Variants in DENND1B observed in about 807,000 individuals in gnomAD.
DENND1B encodes the protein DENN domain-containing protein 1B.
Under a neutral mutation model 90.1 loss-of-function variants are expected in DENND1B, and 59 were observed. That is an observed-to-expected ratio of 0.65 (90% CI 0.53 to 0.81). The LOEUF is 0.81. Among genes scored for constraint, DENND1B ranks in the 40% least tolerant of loss-of-function variants. DENND1B has a pLI of 0.00. For missense variants in DENND1B, 862 were observed against 912.6 expected (o/e 0.94, Z 0.71); for synonymous variants, 337 against 324.6 (o/e 1.04, Z -0.41).
intron 7 of DENND1B, 125 bp downstream of exon 7, chr1:197,652,110 C>T (rs776427752): frequency 3.6e-5 from 25 of 697,278 alleles, no homozygotes; most frequent in Non-Finnish European, 4.5e-5. Context: ...TATGTTAGTA[C>T]TAGCAATGAA....
chr1:197,776,823 CAA>C (rs79649772), upstream of DENND1B, among the ~76,000 whole-genome samples: 2 of 149,222 alleles, frequency 1.3e-5, no homozygotes, highest in African/African-American at 2.5e-5. Flanking sequence ...AACAAACAAA[CAA>C]AAAAAAAATG....
intron 18 of DENND1B, among the ~76,000 whole-genome samples, chr1:197,544,693 AGAAGAT>A (rs1401504796): frequency 4.2e-5 from 6 of 142,192 alleles, no homozygotes; most frequent in African/African-American, 9.9e-5. Context: ...AAAGGAAAGA[AGAAGAT>A]GAAGATGAAG....
chr1:197,713,734 TA>T (rs377064188), intron 3 of DENND1B, among the ~76,000 whole-genome samples: 34,642 of 75,266 alleles, frequency 0.46, 9,085 homozygotes, highest in East Asian at 0.62. Context: ...TAGAGTATAA[TA>T]AAAAAAAAAA....
intron 2 of DENND1B, chr1:197,735,559 A>C (rs190537688): frequency 6.2e-7 from 1 of 1,613,858 alleles, no homozygotes; most frequent in Non-Finnish European, 8.5e-7. Flanking sequence ...GTGTTCTTAG[A>C]CTTTTATGAA....
At chr1:197,746,633 T>A (rs911940313) in intron 2 of DENND1B, 2 of 628,234 alleles carry the variant, frequency 3.2e-6, no homozygotes, top group Non-Finnish European at 5.7e-6. Flanking sequence ...TCCCAAATTT[T>A]ATGCTTATTT....
At chr1:197,636,418 A>G (rs1265996522) in intron 10 of DENND1B, among the ~76,000 whole-genome samples, 1 of 152,186 alleles carries the variant, frequency 6.6e-6, no homozygotes, top group African/African-American at 2.4e-5. Context: ...TGGTTTTATA[A>G]GATGGTCATT....
chr1:197,764,449 C>T (rs1404908389), intron 2 of DENND1B, among the ~76,000 whole-genome samples: 2 of 152,162 alleles, frequency 1.3e-5, no homozygotes, highest in East Asian at 3.8e-4. Context: ...AGCTTTAGCT[C>T]ATTAACTAGG....
intron 3 of DENND1B, among the ~76,000 whole-genome samples, chr1:197,703,743 C>T (rs188720488): frequency 2.6e-5 from 4 of 152,294 alleles, no homozygotes; most frequent in African/African-American, 9.6e-5. Context: ...TTTTTGCCTA[C>T]AATAACAAAG....
chr1:197,691,754 T>C (rs376576969), intron 3 of DENND1B, among the ~76,000 whole-genome samples: 1 of 151,870 alleles, frequency 6.6e-6, no homozygotes, highest in South Asian at 2.1e-4. Context: ...GTTATATACA[T>C]ACAATGGAAA....
intron 20 of DENND1B, 46 bp from the exon 21 acceptor site, chr1:197,512,999 A>G: frequency 6.6e-7 from 1 of 1,511,598 alleles, no homozygotes; most frequent in South Asian, 1.2e-5. Context: ...AGTTTAAAAT[A>G]AGTCTCTTTA....
At position 197,506,208 on chromosome 1, in the gene DENND1B, T is replaced by G. The variant is rs1009738181; in HGVS notation, c.*4252A>C. 1.3e-5 allele frequency: 2 copies of G among 151,650 alleles called. No homozygotes were observed. The highest frequency in any genetic ancestry group is 3.0e-5 in the Non-Finnish European group (2 of 67,702). 9.4% of individuals were successfully genotyped at this position (151,650 alleles called of 1,614,324 possible). A position where few individuals can be genotyped will look rare whatever the true frequency, so the allele number is the denominator to read the frequency against. On this transcript the variant is annotated 3_prime_UTR_variant, in exon 23 of 23. Coordinates refer to ENST00000620048, the MANE Select transcript of DENND1B (RefSeq NM_001195215.2). Reference sequence around the variant, plus strand: ...CAAGAAAAATTATTGCACGAAATCCTATTTTCAAAATAAAATATTCTTCTG... The same window carrying G: ...CAAGAAAAATTATTGCACGAAATCCGATTTTCAAAATAAAATATTCTTCTG...
intron 10 of DENND1B, among the ~76,000 whole-genome samples, chr1:197,637,367 G>A (rs1304547850): frequency 2.0e-5 from 3 of 152,228 alleles, no homozygotes; most frequent in Admixed American, 1.3e-4. Flanking sequence ...TTCCATAATT[G>A]TTAAATTAAA....
intron 14 of DENND1B, among the ~76,000 whole-genome samples, chr1:197,585,107 C>T (rs995625621): frequency 9.2e-5 from 14 of 152,050 alleles, no homozygotes; most frequent in Admixed American, 2.0e-4. Flanking sequence ...TATAATCTAT[C>T]GGAGGAAGGC....
At chr1:197,549,962 C>A (rs1410960121) in intron 16 of DENND1B, among the ~76,000 whole-genome samples, 2 of 152,018 alleles carry the variant, frequency 1.3e-5, no homozygotes, top group Non-Finnish European at 2.9e-5. Context: ...TTAATCAGAG[C>A]CACAATAATG....
intron 13 of DENND1B, among the ~76,000 whole-genome samples, chr1:197,604,160 T>C (rs1202582635): frequency 2.0e-5 from 3 of 146,468 alleles, no homozygotes; most frequent in South Asian, 2.2e-4. Flanking sequence ...CATGTAATAA[T>C]CAATATCATT....
intron 20 of DENND1B, among the ~76,000 whole-genome samples, chr1:197,523,512 A>T (rs1668921488): frequency 1.3e-5 from 2 of 152,168 alleles, no homozygotes; most frequent in South Asian, 4.1e-4. Flanking sequence ...CTAGTCACAG[A>T]TGTTAACTGC....
chr1:197,634,078 G>A (rs1679567214), intron 10 of DENND1B, among the ~76,000 whole-genome samples: 1 of 152,170 alleles, frequency 6.6e-6, no homozygotes, highest in Non-Finnish European at 1.5e-5. Flanking sequence ...GCTATCCAAT[G>A]AGCCACACAG....
intron 2 of DENND1B, among the ~76,000 whole-genome samples, chr1:197,717,370 A>C (rs1182913993): frequency 6.6e-6 from 1 of 151,932 alleles, no homozygotes; most frequent in Non-Finnish European, 1.5e-5. Flanking sequence ...GCTGGTGGGA[A>C]TCATCGTTGC....
intron 2 of DENND1B, among the ~76,000 whole-genome samples, chr1:197,722,746 TC>T (rs1042408680): frequency 6.6e-6 from 1 of 152,166 alleles, no homozygotes; most frequent in Non-Finnish European, 1.5e-5. Flanking sequence ...TATTTCAAGA[TC>T]TTTTACTTTA....
Sources: allele counts gnomAD v4.1 joint callset (sites outside exome capture counted in the v4.1 genomes callset), GRCh38; gene constraint gnomAD v4.1.1; transcripts MANE v1.5; gene names NCBI Gene and HGNC (gene_info 2026-07-23, HGNC 2026-07-21).